The following GALNT17 variants were observed in gnomAD, a reference collection of about 807,000 sequenced individuals.
GALNT17 encodes the protein polypeptide N-acetylgalactosaminyltransferase 17.
A neutral mutation model predicts 63.7 loss-of-function variants in GALNT17; 29 were observed. That is an observed-to-expected ratio of 0.46 (90% CI 0.34 to 0.62). The LOEUF is 0.62. Among genes scored for constraint, GALNT17 ranks in the 20% least tolerant of loss-of-function variants. The probability of loss-of-function intolerance (pLI) is 0.01; values close to 1 mark genes in which losing one functional copy is unlikely to be tolerated. For missense variants in GALNT17, 603 were observed against 799.6 expected, an observed-to-expected ratio of 0.75 and a Z score of 2.97; for synonymous variants, 305 against 318.3, an observed-to-expected ratio of 0.96 and a Z score of 0.45.
At chr7:71,142,013 TGTGTG>T (rs1787905616) in intron 1 of GALNT17, among the ~76,000 whole-genome samples, 9 of 4,866 alleles carry the variant, frequency 1.8e-3, no homozygotes, top group Admixed American at 8.9e-3. Context: ...CACATTTGGC[TGTGTG>T]TGTGTGTGTG....
intron 3 of GALNT17, among the ~76,000 whole-genome samples, chr7:71,409,956 T>C (rs1227287899): frequency 2.0e-5 from 3 of 152,150 alleles, no homozygotes; most frequent in Non-Finnish European, 4.4e-5. Flanking sequence ...CTGCGTTCTT[T>C]GGTGAGTCAG....
rs1191379679 is a variant in GALNT17, at chr7:71,335,594, G to A, written c.283G>A (p.Gly95Ser). Reference protein sequence around the residue: ...LGLIEGYGGRGKGGLPATLSP... With the variant: ...LGLIEGYGGRSKGGLPATLSP... ...GCTCATTGAAGGTTATGGTGGGCGG[G>A]GTAAAGGGGGCCTTCCGGCTACTCT... The change falls in exon 2 of 11, where the codon GGT becomes AGT. Residue 95 changes from glycine to serine, a missense_variant. Physicochemically the swap from Gly to Ser is moderately conservative, Grantham distance 56. Coordinates refer to ENST00000333538, the MANE Select transcript of GALNT17 (RefSeq NM_022479.3). 2 of 1,611,770 alleles carry A rather than the reference G, an allele frequency of 1.2e-6. No individual in the cohort carries two copies. The highest frequency in any genetic ancestry group is 2.2e-5 in the East Asian group (1 of 44,698).
intron 2 of GALNT17, among the ~76,000 whole-genome samples, chr7:71,340,190 G>C (rs1005886531): frequency 6.6e-6 from 1 of 152,186 alleles, no homozygotes; most frequent in Non-Finnish European, 1.5e-5. Context: ...GGGATGGTTA[G>C]CAGTTATGTC....
At chr7:71,302,056 A>G (rs975688459) in intron 1 of GALNT17, among the ~76,000 whole-genome samples, 2 of 152,202 alleles carry the variant, frequency 1.3e-5, no homozygotes, top group African/African-American at 4.8e-5. Context: ...AGGGACATGG[A>G]TGAAGCTGGG....
At chr7:71,356,029 G>C (rs1430127896) in intron 2 of GALNT17, among the ~76,000 whole-genome samples, 1 of 151,962 alleles carries the variant, frequency 6.6e-6, no homozygotes, top group African/African-American at 2.4e-5. Context: ...CCAGGCTGGA[G>C]TGCAGTGGCG....
At chr7:71,411,874 C>A (rs1267137034) in intron 3 of GALNT17, among the ~76,000 whole-genome samples, 2 of 152,208 alleles carry the variant, frequency 1.3e-5, no homozygotes, top group African/African-American at 4.8e-5. Flanking sequence ...CCTTCTCACC[C>A]ACAGAGGCTC....
chr7:71,574,234 G>A (rs111661564), intron 6 of GALNT17, among the ~76,000 whole-genome samples: 13 of 152,328 alleles, frequency 8.5e-5, no homozygotes, highest in African/African-American at 2.4e-4. Flanking sequence ...TTCAGCCGTT[G>A]TGGAAGGCAG....
At chr7:71,600,150 A>G (rs1488465461) in intron 6 of GALNT17, among the ~76,000 whole-genome samples, 5 of 151,798 alleles carry the variant, frequency 3.3e-5, no homozygotes, top group Non-Finnish European at 7.4e-5. Context: ...TAGATGTTAT[A>G]GTGGTTTGTA....
chr7:71,534,442 A>T (rs1788770533), intron 5 of GALNT17, among the ~76,000 whole-genome samples: 1 of 151,956 alleles, frequency 6.6e-6, no homozygotes, highest in Non-Finnish European at 1.5e-5. Context: ...TACTAAAAAT[A>T]CAAAAAATTA....
At chr7:71,642,809 T>C (rs1363821661) in intron 6 of GALNT17, among the ~76,000 whole-genome samples, 1 of 151,650 alleles carries the variant, frequency 6.6e-6, no homozygotes, top group African/African-American at 2.4e-5. Context: ...CACTCCAGCC[T>C]GGGCAATGGA....
chr7:71,313,798 C>T (rs1030904452), intron 1 of GALNT17, among the ~76,000 whole-genome samples: 1 of 152,232 alleles, frequency 6.6e-6, no homozygotes, highest in East Asian at 1.9e-4. Context: ...GCAGTTACTG[C>T]TCACTGGAGT....
At chr7:71,315,618 G>T (rs1230680207) in intron 1 of GALNT17, among the ~76,000 whole-genome samples, 5 of 152,140 alleles carry the variant, frequency 3.3e-5, no homozygotes. Flanking sequence ...AAGAAATGGA[G>T]ACTCTGAGAG....
chr7:71,300,733 C>G (rs1791180601), intron 1 of GALNT17: 2 of 246,836 alleles, frequency 8.1e-6, no homozygotes, highest in African/African-American at 2.3e-5. Context: ...ACACGCCTCC[C>G]ATCACTGCGT....
At chr7:71,527,012 C>T (rs1788635707) in intron 5 of GALNT17, among the ~76,000 whole-genome samples, 1 of 152,168 alleles carries the variant, frequency 6.6e-6, no homozygotes, top group Non-Finnish European at 1.5e-5. Flanking sequence ...TCACTTTCAC[C>T]AGTCTCTGAG....
At chr7:71,181,132 A>G (rs1042903708) in intron 1 of GALNT17, among the ~76,000 whole-genome samples, 2 of 151,854 alleles carry the variant, frequency 1.3e-5, no homozygotes, top group African/African-American at 4.8e-5. Flanking sequence ...GTGGACACCT[A>G]TAGTCCCAGC....
chr7:71,577,903 TG>T (rs1266556023), intron 6 of GALNT17, among the ~76,000 whole-genome samples: 6 of 151,976 alleles, frequency 3.9e-5, no homozygotes, highest in Admixed American at 3.3e-4. Flanking sequence ...ACTGAAGACC[TG>T]GGGGGTGGTT....
At chr7:71,509,466 G>A (rs1040056301) in intron 5 of GALNT17, among the ~76,000 whole-genome samples, 1 of 152,128 alleles carries the variant, frequency 6.6e-6, no homozygotes, top group Non-Finnish European at 1.5e-5. Context: ...CCCCATTCTG[G>A]GTATTTATAA....
At chr7:71,320,807 G>C (rs973987774) in intron 1 of GALNT17, among the ~76,000 whole-genome samples, 1 of 152,092 alleles carries the variant, frequency 6.6e-6, no homozygotes, top group Non-Finnish European at 1.5e-5. Context: ...TTTTTGTTCT[G>C]CCTTACTCTT....
intron 1 of GALNT17, among the ~76,000 whole-genome samples, chr7:71,211,557 A>T (rs1362660384): frequency 1.3e-5 from 2 of 152,200 alleles, no homozygotes; most frequent in African/African-American, 4.8e-5. Flanking sequence ...CAGCTTTGGA[A>T]TTGGGTAACA....
Sources: gnomAD v4.1 joint callset for allele counts (sites outside exome capture counted in the v4.1 genomes callset) on GRCh38, gnomAD v4.1.1 for gene constraint, MANE v1.5 for transcripts, NCBI Gene and HGNC (gene_info 2026-07-23, HGNC 2026-07-21) for gene names.